Variants in SPOCK3 observed in about 807,000 individuals in gnomAD.
SPOCK3 encodes the protein SPARC (osteonectin), cwcv and kazal like domains proteoglycan 3.
A neutral mutation model predicts 56.6 loss-of-function variants in SPOCK3; 30 were observed. The observed-to-expected ratio is 0.53, with a 90% CI of 0.40 to 0.72. SPOCK3 has a LOEUF of 0.72. Among genes scored for constraint, SPOCK3 ranks in the 30% least tolerant of loss-of-function variants. The pLI is 0.00. For missense variants in SPOCK3, 527 were observed against 530.0 expected, an observed-to-expected ratio of 0.99 and a Z score of 0.06; for synonymous variants, 196 against 183.3, an observed-to-expected ratio of 1.07 and a Z score of -0.56.
intron 3 of SPOCK3, among the ~76,000 whole-genome samples, chr4:167,004,609 C>T (rs979496631): frequency 6.6e-6 from 1 of 151,966 alleles, no homozygotes; most frequent in African/African-American, 2.4e-5. Context: ...GGATATTAAC[C>T]AGCTGTATGA....
chr4:166,803,537 T>C (rs1361216239), intron 6 of SPOCK3, among the ~76,000 whole-genome samples: 1 of 152,132 alleles, frequency 6.6e-6, no homozygotes, highest in East Asian at 1.9e-4. Flanking sequence ...CGGGCAAACG[T>C]CTTAAAGATG....
At chr4:166,796,524 T>C (rs966217395) in intron 6 of SPOCK3, among the ~76,000 whole-genome samples, 6 of 152,212 alleles carry the variant, frequency 3.9e-5, no homozygotes, top group Non-Finnish European at 4.4e-5. Flanking sequence ...ACTTCTAAGG[T>C]CACCATTCAT....
intron 4 of SPOCK3, among the ~76,000 whole-genome samples, chr4:166,939,341 C>A (rs76683587): frequency 0.086 from 13,006 of 151,484 alleles, 696 homozygotes; most frequent in Middle Eastern, 0.2. Flanking sequence ...ATTATTTATT[C>A]TGCAAAATAA....
intron 2 of SPOCK3, among the ~76,000 whole-genome samples, chr4:167,154,711 T>C (rs749695975): frequency 6.6e-5 from 10 of 152,194 alleles, no homozygotes; most frequent in Non-Finnish European, 8.8e-5. Flanking sequence ...TGTGATCCTC[T>C]TGTAAATCAA....
chr4:167,176,393 C>T (rs1480837471), intron 2 of SPOCK3, among the ~76,000 whole-genome samples: 3 of 152,132 alleles, frequency 2.0e-5, no homozygotes, highest in Non-Finnish European at 4.4e-5. Context: ...ACCTTAAGTT[C>T]TCACCAACTA....
intron 4 of SPOCK3, among the ~76,000 whole-genome samples, chr4:166,979,730 T>C (rs1746370059): frequency 1.3e-5 from 2 of 152,182 alleles, no homozygotes; most frequent in African/African-American, 4.8e-5. Flanking sequence ...CAGGGATCTA[T>C]TCTCTATTTT....
intron 6 of SPOCK3, among the ~76,000 whole-genome samples, chr4:166,872,521 G>A (rs746695212): frequency 9.2e-5 from 14 of 152,048 alleles, no homozygotes; most frequent in Admixed American, 6.6e-5. Flanking sequence ...TTTTACTCAC[G>A]GTTGCCAAAA....
At chr4:166,846,380 A>T (rs1038414103) in intron 6 of SPOCK3, among the ~76,000 whole-genome samples, 17 of 152,158 alleles carry the variant, frequency 1.1e-4, no homozygotes, top group African/African-American at 3.9e-4. Flanking sequence ...TAATATTATC[A>T]TATATAATTT....
chr4:166,964,308 A>C (rs1227358777), intron 4 of SPOCK3, among the ~76,000 whole-genome samples: 1 of 151,800 alleles, frequency 6.6e-6, no homozygotes, highest in Non-Finnish European at 1.5e-5. Flanking sequence ...TAAAAATAGG[A>C]ACAAAGCTAA....
chr4:166,876,834 G>T (rs558737132), intron 6 of SPOCK3, among the ~76,000 whole-genome samples: 5 of 152,126 alleles, frequency 3.3e-5, no homozygotes, highest in African/African-American at 9.6e-5. Context: ...CAAAATTAAG[G>T]GTGCTGGTGA....
intron 2 of SPOCK3, among the ~76,000 whole-genome samples, chr4:167,129,877 A>G (rs1364555839): frequency 2.6e-5 from 4 of 152,212 alleles, no homozygotes; most frequent in Non-Finnish European, 5.9e-5. Context: ...CTTATGCTCA[A>G]CTTGCACAGT....
At chr4:166,840,574 T>C (rs770995761) in intron 6 of SPOCK3, among the ~76,000 whole-genome samples, 8 of 152,048 alleles carry the variant, frequency 5.3e-5, no homozygotes, top group Admixed American at 1.3e-4. Context: ...GTCTTGTTTA[T>C]ACAATGCAAA....
rs535462327 is a variant in SPOCK3, at chr4:166,888,633, C to T, written c.589+497G>A. Among the ~76,000 whole-genome samples the T allele has an allele frequency of 2.0e-5, 3 of 151,782 alleles. No homozygotes were observed. The East Asian group carries it at 5.8e-4, about 29-fold the overall frequency. Reference sequence around the variant, plus strand: ...AAAAACAATGAATTAAAGACTTCATCTGGTCAAAAAAAAGTTTAACTTATA... The same window carrying T: ...AAAAACAATGAATTAAAGACTTCATTTGGTCAAAAAAAAGTTTAACTTATA... On this transcript the variant is annotated intron_variant, in intron 6 of 10. Coordinates refer to ENST00000357545, the MANE Select transcript of SPOCK3 (RefSeq NM_001040159.2).
At chr4:167,064,346 A>T (rs1755896417) in intron 2 of SPOCK3, among the ~76,000 whole-genome samples, 2 of 151,850 alleles carry the variant, frequency 1.3e-5, no homozygotes, top group South Asian at 4.1e-4. Flanking sequence ...CTAGGATTAG[A>T]TTAAGAAAGG....
chr4:167,203,581 A>G (rs1221840933), intron 2 of SPOCK3, among the ~76,000 whole-genome samples: 1 of 151,906 alleles, frequency 6.6e-6, no homozygotes, highest in African/African-American at 2.4e-5. Context: ...ACAGAAAAGA[A>G]AGGTAAAGCA....
Position 167,006,723 on chromosome 4 carries a change from GTTCA to G in SPOCK3, c.236-6264_236-6261del, listed in dbSNP as rs1237274461. 5.3e-5 allele frequency among the ~76,000 whole-genome samples: 8 copies of G among 151,972 alleles called. No homozygotes were observed. In the South Asian group the frequency reaches 1.5e-3, roughly 28 times the overall value. On this transcript the variant is annotated intron_variant, in intron 3 of 10. Coordinates refer to ENST00000357545, the MANE Select transcript of SPOCK3 (RefSeq NM_001040159.2). ...GGGGAAACCTTTAACTATTTGATCT[GTTCA>G]TTAATTTTTCACTATTTTTAAAATA...
intron 6 of SPOCK3, among the ~76,000 whole-genome samples, chr4:166,868,656 T>G (rs901241704): frequency 6.6e-6 from 1 of 152,254 alleles, no homozygotes; most frequent in African/African-American, 2.4e-5. Flanking sequence ...GTAATCTAGC[T>G]TATGCATACT....
chr4:167,118,325 T>C (rs368422737), intron 2 of SPOCK3, among the ~76,000 whole-genome samples: 1 of 152,296 alleles, frequency 6.6e-6, no homozygotes, highest in African/African-American at 2.4e-5. Context: ...TAATCACTTA[T>C]AAATCCAGTG....
chr4:167,075,360 C>T (rs1250922023), intron 2 of SPOCK3, among the ~76,000 whole-genome samples: 2 of 151,912 alleles, frequency 1.3e-5, no homozygotes, highest in Non-Finnish European at 2.9e-5. Flanking sequence ...TCAATTTCTG[C>T]ACCCATCCTA....
Sources: allele counts gnomAD v4.1 joint callset (sites outside exome capture counted in the v4.1 genomes callset), GRCh38; gene constraint gnomAD v4.1.1; transcripts MANE v1.5; gene names NCBI Gene and HGNC (gene_info 2026-07-23, HGNC 2026-07-21).